Variants in YAF2 observed in about 807,000 individuals in gnomAD.
The protein encoded by YAF2 is YY1-associated factor 2.
Under a neutral mutation model 20.1 loss-of-function variants are expected in YAF2, and 7 were observed. The ratio of observed to expected loss-of-function variants is 0.35; its 90% CI spans 0.20 to 0.65. The LOEUF is 0.65. Among genes scored for constraint, YAF2 ranks in the 30% least tolerant of loss-of-function variants. YAF2 has a pLI of 0.69. For synonymous variants in YAF2, 74 were observed against 76.0 expected, an observed-to-expected ratio of 0.97 and a Z score of 0.14; for missense variants, 151 against 219.2, an observed-to-expected ratio of 0.69 and a Z score of 1.96.
intron 2 of YAF2, among the ~76,000 whole-genome samples, chr12:42,187,628 C>T (rs2066507431): frequency 6.6e-6 from 1 of 152,090 alleles, no homozygotes; most frequent in African/African-American, 2.4e-5. Flanking sequence ...ACGTAAAAAT[C>T]CTCATTTCTC....
chr12:42,227,036 G>C (rs941916341), intron 2 of YAF2, among the ~76,000 whole-genome samples: 3 of 146,426 alleles, frequency 2.0e-5, no homozygotes, highest in East Asian at 2.0e-4. Flanking sequence ...GATATGAAGC[G>C]GAGCCGCTGC....
Position 42,237,580 on chromosome 12 carries a change from G to C in YAF2, c.152+19C>G, listed in dbSNP as rs1306631962. 6.6e-7 allele frequency: 1 copy of C among 1,506,178 alleles called. No individual in the cohort carries two copies. Among genetic ancestry groups the C allele is most frequent in the South Asian group, 1.3e-5 (1 of 79,278 alleles). 93.3% of individuals were successfully genotyped at this position (1,506,178 alleles called of 1,614,324 possible). On this transcript the variant is annotated intron_variant, in intron 2 of 3. Transcript: ENST00000534854. ...CCACCCCGCCGGCCGGCGGCGCGAG[G>C]GGCAGGCCCGGGACTCACCGGGTGG... is the stretch of plus-strand genomic sequence containing the variant.
chr12:42,209,140 A>G (rs1442957314), intron 2 of YAF2, among the ~76,000 whole-genome samples: 1 of 152,052 alleles, frequency 6.6e-6, no homozygotes, highest in Admixed American at 6.6e-5. Flanking sequence ...CACATCAAGT[A>G]TTTTCATTAC....
At chr12:42,160,894 T>G (rs748256105) in intron 3 of YAF2, 68 bp from the exon 4 acceptor site, 44 of 1,370,678 alleles carry the variant, frequency 3.2e-5, no homozygotes, top group Non-Finnish European at 3.8e-5. Flanking sequence ...ATATAATAAA[T>G]AATAAAAGTG....
chr12:42,202,217 ACTCT>A lies in YAF2; in HGVS notation c.152+35378_152+35381del, dbSNP rs954041969. On this transcript the variant is annotated intron_variant, in intron 2 of 3. Coordinates refer to ENST00000534854, the MANE Select transcript of YAF2 (RefSeq NM_005748.6). ...CAAATATGTATGAATCCATTTCTGA[ACTCT>A]CTATTAGTTTGTCTTTTCCTGTACT... 5.3e-5 allele frequency among the ~76,000 whole-genome samples: 8 copies of A among 151,780 alleles called. No individual in the cohort carries two copies. In the East Asian group the frequency reaches 9.7e-4, roughly 18 times the overall value.
intron 2 of YAF2, among the ~76,000 whole-genome samples, chr12:42,192,843 G>C (rs189994096): frequency 6.6e-6 from 1 of 152,088 alleles, no homozygotes. Context: ...GTCACACGTC[G>C]CATAACAACA....
chr12:42,227,726 C>G (rs959401005), intron 2 of YAF2, among the ~76,000 whole-genome samples: 1 of 150,944 alleles, frequency 6.6e-6, no homozygotes, highest in Non-Finnish European at 1.5e-5. Flanking sequence ...CGCCCGGCAG[C>G]CACCCCGTCC....
At chr12:42,174,128 G>A (rs1367436523) in intron 2 of YAF2, among the ~76,000 whole-genome samples, 1 of 149,916 alleles carries the variant, frequency 6.7e-6, no homozygotes, top group Non-Finnish European at 1.5e-5. Context: ...TCTTTCCTGA[G>A]TCTACATCCC....
At chr12:42,190,342 T>C (rs1357406096) in intron 2 of YAF2, among the ~76,000 whole-genome samples, 2 of 152,156 alleles carry the variant, frequency 1.3e-5, no homozygotes. Flanking sequence ...AGTGCAACCG[T>C]CTCAAAAAAA....
chr12:42,169,100 T>C (rs927308538), intron 2 of YAF2, among the ~76,000 whole-genome samples: 6 of 152,194 alleles, frequency 3.9e-5, no homozygotes, highest in African/African-American at 1.4e-4. Flanking sequence ...GTTGTGTCCT[T>C]GTCTTCACTT....
At chr12:42,234,203 AGAAAAG>A (rs2068070729) in intron 2 of YAF2, 1 of 162,802 alleles carries the variant, frequency 6.1e-6, no homozygotes, top group African/African-American at 1.0e-4. Context: ...AGAAAAGAAA[AGAAAAG>A]AAAAGAAAAG....
At chr12:42,167,151 A>G (rs1296462185) in intron 2 of YAF2, among the ~76,000 whole-genome samples, 1 of 151,862 alleles carries the variant, frequency 6.6e-6, no homozygotes, top group African/African-American at 2.4e-5. Flanking sequence ...GAGTGGGGGG[A>G]AAGGGGAGGG....
chr12:42,161,155 T>C lies in YAF2; in HGVS notation c.306-329A>G, dbSNP rs542388587. 56 of 312,010 alleles carry C rather than the reference T, an allele frequency of 1.8e-4. No individual in the cohort carries two copies. In the East Asian group the frequency reaches 4.2e-3, roughly 24 times the overall value. 19.3% of individuals were successfully genotyped at this position (312,010 alleles called of 1,614,324 possible). ...AGACAACAATGAAATAGTTGCACCA[T>C]GGAGGAAGGTGATAAAAGCTAAGGT... is the stretch of plus-strand genomic sequence containing the variant. On this transcript the variant is annotated intron_variant, in intron 3 of 3. Transcript: ENST00000534854.
chr12:42,204,988 C>T (rs1423378592), intron 2 of YAF2, among the ~76,000 whole-genome samples: 1 of 151,566 alleles, frequency 6.6e-6, no homozygotes, highest in Non-Finnish European at 1.5e-5. Context: ...AATACTAAAA[C>T]CTACTGAATT....
At chr12:42,196,223 T>C (rs575748171) in intron 2 of YAF2, among the ~76,000 whole-genome samples, 2 of 86,998 alleles carry the variant, frequency 2.3e-5, no homozygotes, top group East Asian at 3.2e-4. Context: ...CAAGAATCCA[T>C]CTGGAAAAAA....
At chr12:42,188,397 T>C (rs2066528091) in intron 2 of YAF2, among the ~76,000 whole-genome samples, 1 of 149,966 alleles carries the variant, frequency 6.7e-6, no homozygotes, top group Admixed American at 6.6e-5. Flanking sequence ...TTTTTTTTTT[T>C]TTTTTAGAGA....
At chr12:42,202,491 G>C (rs953879483) in intron 2 of YAF2, among the ~76,000 whole-genome samples, 2 of 152,032 alleles carry the variant, frequency 1.3e-5, no homozygotes, top group Non-Finnish European at 2.9e-5. Flanking sequence ...TTGTTTTTGA[G>C]CTTGCTATAA....
intron 2 of YAF2, among the ~76,000 whole-genome samples, chr12:42,185,270 T>C (rs2066443555): frequency 6.6e-6 from 1 of 152,216 alleles, no homozygotes; most frequent in African/African-American, 2.4e-5. Context: ...ATGACCAAGC[T>C]TTCACAGATG....
Position 42,238,177 on chromosome 12 carries a change from C to T in YAF2, c.4G>A (p.Gly2Arg). 2 of 1,543,258 alleles carry T rather than the reference C, an allele frequency of 1.3e-6. No individual in the cohort carries two copies. Among genetic ancestry groups the T allele is most frequent in the Non-Finnish European group, 1.7e-6 (2 of 1,145,494 alleles). The part of the protein sequence containing the change: M[G>R]DKKSPTRPKR... Reference sequence around the variant, plus strand: ...TACCTGGTGGGGCTCTTCTTGTCTCCCATGGCTTGGCTATCACCGCACGCC... The same window carrying T: ...TACCTGGTGGGGCTCTTCTTGTCTCTCATGGCTTGGCTATCACCGCACGCC... The change falls in exon 1 of 4, where the codon GGA becomes AGA. Residue 2 changes from glycine to arginine, a missense_variant. Around this residue, in one of 3 missense-constraint regions of YAF2, gnomAD observed 50 missense variants for 58.3 expected, o/e 0.86. Coordinates refer to ENST00000534854, the MANE Select transcript of YAF2 (RefSeq NM_005748.6).
Sources: gnomAD v4.1 joint callset for allele counts (sites outside exome capture counted in the v4.1 genomes callset) on GRCh38, gnomAD v4.1.1 for gene constraint, gnomAD v4.1.1 regional missense constraint, MANE v1.5 for transcripts, NCBI Gene and HGNC (gene_info 2026-07-23, HGNC 2026-07-21) for gene names.